SAMD5: variants seen among roughly 807,000 people sequenced by gnomAD.
The protein encoded by SAMD5 is sterile alpha motif domain containing 5, also known as sterile alpha motif domain-containing protein 5.
Under a neutral mutation model 11.3 loss-of-function variants are expected in SAMD5, and 13 were observed. That is an observed-to-expected ratio of 1.15 (90% CI 0.75 to 1.83). The LOEUF (loss-of-function observed/expected upper bound fraction) is 1.83. Ranked by LOEUF, SAMD5 falls within the 40% of genes most tolerant of loss-of-function variation. The probability of loss-of-function intolerance (pLI) is 0.00; values close to 1 mark genes in which losing one functional copy is unlikely to be tolerated. For synonymous variants in SAMD5, 129 were observed against 111.3 expected (o/e 1.16, Z -1.00); for missense variants, 255 against 239.1 (o/e 1.07, Z -0.44).
the SAMD5 span, among the ~76,000 whole-genome samples, chr6:147,879,950 A>G: frequency 1.3e-5 from 2 of 152,282 alleles, no homozygotes; most frequent in South Asian, 4.1e-4. Context: ...TGTCAAGACA[A>G]CCCTTACCCC....
At chr6:147,556,193 T>C (rs1030715638) in intron 1 of SAMD5, among the ~76,000 whole-genome samples, 3 of 152,010 alleles carry the variant, frequency 2.0e-5, no homozygotes, top group Non-Finnish European at 4.4e-5. Context: ...CTTGGGCTCA[T>C]GCCATTCTCC....
Position 147,564,700 on chromosome 6 carries a change from A to C in SAMD5, c.*244A>C, listed in dbSNP as rs1789009119. On this transcript the variant is annotated 3_prime_UTR_variant, in exon 2 of 2. Coordinates refer to ENST00000367474, the MANE Select transcript of SAMD5 (RefSeq NM_001030060.3). The stretch of plus-strand genomic sequence containing the variant: ...GAAGTATTGAGTTCATTTTTTTAAG[A>C]AGATATCATGATGAGATACAGTCTT... 2 of 1,217,840 alleles carry C rather than the reference A, an allele frequency of 1.6e-6. No individual in the cohort carries two copies. The highest frequency in any genetic ancestry group is 4.3e-5 in the South Asian group (2 of 45,982). 75.4% of individuals were successfully genotyped at this position (1,217,840 alleles called of 1,614,324 possible).
At chr6:147,572,284 CAAGTTTCTCCTTTTTGG>C (rs531482324), downstream of SAMD5, among the ~76,000 whole-genome samples, 92 of 152,238 alleles carry the variant, frequency 6.0e-4, 1 homozygote, top group African/African-American at 2.1e-3. Flanking sequence ...CATGGGAAAC[CAAGTTTCTCCTTTTTGG>C]AAGTTCACTT....
intron 1 of SAMD5, among the ~76,000 whole-genome samples, chr6:147,665,048 GCT>G (rs1210969467): frequency 6.6e-6 from 1 of 152,130 alleles, no homozygotes; most frequent in African/African-American, 2.4e-5. Flanking sequence ...ATGGGCATTT[GCT>G]CTGTTACAGT....
chr6:147,909,577 T>C, the SAMD5 span, among the ~76,000 whole-genome samples: 54 of 57,746 alleles, frequency 9.4e-4, no homozygotes, highest in African/African-American at 5.8e-3. Flanking sequence ...TCTTTCTTTC[T>C]TTCTTTCTTT....
chr6:147,558,873 T>C (rs534739913), intron 1 of SAMD5, among the ~76,000 whole-genome samples: 5 of 152,212 alleles, frequency 3.3e-5, no homozygotes, highest in Non-Finnish European at 7.4e-5. Flanking sequence ...GCATTTAGTC[T>C]GTCTCCATGG....
At chr6:147,724,131 AT>A (rs201650906) in intron 1 of SAMD5, among the ~76,000 whole-genome samples, 1,728 of 152,168 alleles carry the variant, frequency 0.011, 19 homozygotes, top group African/African-American at 0.039. Flanking sequence ...CATGAAAAAA[AT>A]ATATATATTT....
the SAMD5 span, among the ~76,000 whole-genome samples, chr6:147,880,600 G>T: frequency 6.6e-6 from 1 of 152,138 alleles, no homozygotes; most frequent in Non-Finnish European, 1.5e-5. Flanking sequence ...AAAGAATGTG[G>T]CTTTGGTCTG....
chr6:147,696,378 T>A (rs545991689), intron 1 of SAMD5, among the ~76,000 whole-genome samples: 2 of 152,330 alleles, frequency 1.3e-5, no homozygotes, highest in South Asian at 4.1e-4. Flanking sequence ...ATAGCAGATG[T>A]AGAGAATGAC....
chr6:147,831,995 G>C, the SAMD5 span, among the ~76,000 whole-genome samples: 393 of 148,992 alleles, frequency 2.6e-3, 11 homozygotes, highest in East Asian at 0.067. Context: ...TTTTTTTTTT[G>C]TTTTAGAGGA....
chr6:147,598,108 T>C (rs1789559671), intron 1 of SAMD5, among the ~76,000 whole-genome samples: 1 of 152,094 alleles, frequency 6.6e-6, no homozygotes, highest in South Asian at 2.1e-4. Flanking sequence ...TTTTTTTTTT[T>C]TCTTTTACCA....
At chr6:147,544,628 T>C (rs997597370) in intron 1 of SAMD5, among the ~76,000 whole-genome samples, 1 of 152,230 alleles carries the variant, frequency 6.6e-6, no homozygotes, top group Non-Finnish European at 1.5e-5. Context: ...TTGCAGGGTC[T>C]GTTGTAGTCA....
chr6:147,626,119 G>C (rs1790047362), intron 1 of SAMD5, among the ~76,000 whole-genome samples: 1 of 152,074 alleles, frequency 6.6e-6, no homozygotes, highest in African/African-American at 2.4e-5. Context: ...TTACTTCTTT[G>C]AGTGTGATAT....
At chr6:147,845,213 T>A in the SAMD5 span, among the ~76,000 whole-genome samples, 8,893 of 143,628 alleles carry the variant, frequency 0.062, 480 homozygotes, top group African/African-American at 0.17. Flanking sequence ...TAAAAAAAAA[T>A]TGAACCTTGC....
At chr6:147,854,110 T>A in the SAMD5 span, among the ~76,000 whole-genome samples, 4 of 152,092 alleles carry the variant, frequency 2.6e-5, no homozygotes, top group Non-Finnish European at 5.9e-5. Context: ...GAGGCCTGAG[T>A]CTGGAAGGAG....
the SAMD5 span, among the ~76,000 whole-genome samples, chr6:147,872,257 C>G: frequency 6.6e-6 from 1 of 151,940 alleles, no homozygotes; most frequent in South Asian, 2.1e-4. Context: ...AGGTGTGCAC[C>G]ACCATGCCTG....
At chr6:147,881,959 G>A in the SAMD5 span, among the ~76,000 whole-genome samples, 1 of 152,134 alleles carries the variant, frequency 6.6e-6, no homozygotes, top group Non-Finnish European at 1.5e-5. Flanking sequence ...TCCAGTGCCC[G>A]ATATGAATGC....
At chr6:147,757,187 A>G in the SAMD5 span, among the ~76,000 whole-genome samples, 2 of 152,334 alleles carry the variant, frequency 1.3e-5, no homozygotes, top group African/African-American at 4.8e-5. Context: ...TCATTTCTTT[A>G]CGGAGACACT....
chr6:147,712,018 A>G (rs966833183), intron 1 of SAMD5, among the ~76,000 whole-genome samples: 1 of 152,220 alleles, frequency 6.6e-6, no homozygotes, highest in South Asian at 2.1e-4. Context: ...GAGATAAAGA[A>G]ATTTTTGAAG....
Sources: allele counts gnomAD v4.1 joint callset (sites outside exome capture counted in the v4.1 genomes callset), GRCh38; gene constraint gnomAD v4.1.1; transcripts MANE v1.5; gene names NCBI Gene and HGNC (gene_info 2026-07-23, HGNC 2026-07-21).